The following RSPO2 variants were observed in gnomAD, a reference collection of about 807,000 sequenced individuals.
RSPO2 encodes R-spondin 2.
RSPO2 carries 14 observed loss-of-function variants against 30.9 expected under a neutral mutation model. The observed-to-expected ratio is 0.45, with a 90% confidence interval of 0.30 to 0.71. RSPO2 has a LOEUF of 0.71. Among genes scored for constraint, RSPO2 ranks in the 30% least tolerant of loss-of-function variants. The pLI, the probability that RSPO2 is intolerant of heterozygous loss-of-function variation, is 0.08. For synonymous variants in RSPO2, 107 were observed against 96.4 expected (o/e 1.11, Z -0.64); for missense variants, 264 against 301.9 (o/e 0.87, Z 0.93).
At chr8:108,035,382 A>G (rs562365035) in intron 2 of RSPO2, among the ~76,000 whole-genome samples, 88 of 152,336 alleles carry the variant, frequency 5.8e-4, no homozygotes, top group Non-Finnish European at 8.8e-4. Flanking sequence ...ATTAGTAGTT[A>G]CCACATCGGT....
intron 3 of RSPO2, among the ~76,000 whole-genome samples, chr8:107,964,221 T>G (rs1813723513): frequency 6.6e-6 from 1 of 152,182 alleles, no homozygotes; most frequent in Admixed American, 6.5e-5. Context: ...CCAATATTTT[T>G]TATGCATTCA....
At chr8:108,016,891 G>A (rs1483869495) in intron 2 of RSPO2, among the ~76,000 whole-genome samples, 1 of 151,728 alleles carries the variant, frequency 6.6e-6, no homozygotes, top group Non-Finnish European at 1.5e-5. Flanking sequence ...TCTTCCTAAG[G>A]CCTCCCCAGA....
chr8:107,917,452 T>C (rs1812017957), intron 5 of RSPO2, among the ~76,000 whole-genome samples: 1 of 152,206 alleles, frequency 6.6e-6, no homozygotes, highest in East Asian at 1.9e-4. Flanking sequence ...ACCATTGCAC[T>C]CCAGCCAAAA....
chr8:108,049,464 GCCATGGTGGTTTGCTGCACCTATTAAC>G (rs1812014071), intron 2 of RSPO2, among the ~76,000 whole-genome samples: 1 of 151,538 alleles, frequency 6.6e-6, no homozygotes, highest in South Asian at 2.1e-4. Flanking sequence ...GTCTACATGT[GCCATGGTGGTTTGCTGCACCTATTAAC>G]CCATTATCTA....
chr8:108,004,036 A>T (rs1382943421), intron 2 of RSPO2, among the ~76,000 whole-genome samples: 1 of 152,210 alleles, frequency 6.6e-6, no homozygotes, highest in Non-Finnish European at 1.5e-5. Flanking sequence ...CAAAATAATC[A>T]AAGTTCCTTT....
chr8:108,006,065 A>T (rs1815443033), intron 2 of RSPO2, among the ~76,000 whole-genome samples: 1 of 152,210 alleles, frequency 6.6e-6, no homozygotes, highest in Non-Finnish European at 1.5e-5. Flanking sequence ...TGATCCTAGA[A>T]GTATAATCCT....
intron 5 of RSPO2, among the ~76,000 whole-genome samples, chr8:107,931,513 G>GA (rs1212613727): frequency 1.3e-5 from 2 of 152,056 alleles, no homozygotes; most frequent in African/African-American, 4.8e-5. Context: ...GGCACAGGAA[G>GA]AATTATTGTA....
chr8:108,002,865 AT>A (rs1815296133), intron 2 of RSPO2, among the ~76,000 whole-genome samples: 1 of 152,136 alleles, frequency 6.6e-6, no homozygotes, highest in African/African-American at 2.4e-5. Flanking sequence ...AATTTTTTTA[AT>A]TGCCTTAATA....
intron 2 of RSPO2, among the ~76,000 whole-genome samples, chr8:108,029,054 C>A (rs1457266151): frequency 7.6e-5 from 2 of 26,170 alleles, no homozygotes; most frequent in East Asian, 4.2e-3. Flanking sequence ...TAACATGAGT[C>A]TTTTTTTTTT....
chr8:108,078,908 T>C (rs901191882), intron 2 of RSPO2, among the ~76,000 whole-genome samples: 27 of 152,204 alleles, frequency 1.8e-4, no homozygotes, highest in Admixed American at 5.2e-4. Context: ...AAAAATAGAA[T>C]GAGGGAGATA....
At chr8:107,952,792 A>C (rs59415603) in intron 5 of RSPO2, among the ~76,000 whole-genome samples, 14,560 of 152,228 alleles carry the variant, frequency 0.096, 928 homozygotes, top group East Asian at 0.24. Flanking sequence ...CACACACGAA[A>C]AAACATAGGT....
chr8:108,003,570 C>A (rs2514830), intron 2 of RSPO2, among the ~76,000 whole-genome samples: 42,879 of 151,080 alleles, frequency 0.28, 6,359 homozygotes, highest in African/African-American at 0.38. Flanking sequence ...CTTAGACCGA[C>A]CCAATTTGAA....
intron 5 of RSPO2, among the ~76,000 whole-genome samples, chr8:107,929,091 A>G (rs1011212303): frequency 6.6e-6 from 1 of 152,146 alleles, no homozygotes; most frequent in Admixed American, 6.6e-5. Flanking sequence ...CAGTCACACC[A>G]TGGACTGTGA....
In RSPO2 at chr8:107,900,917, C is replaced by T. The variant is rs980046519; in HGVS notation, c.*158G>A. On this transcript the variant is annotated 3_prime_UTR_variant, in exon 6 of 6. Transcript: ENST00000276659. ...GATTCAAATCAAAGCATAAATAACACAGGGGCCATGCTGGTGGTGCTTCCT... is the reference window on the plus strand; with the variant it reads ...GATTCAAATCAAAGCATAAATAACATAGGGGCCATGCTGGTGGTGCTTCCT... The T allele has an allele frequency of 1.4e-6, 1 of 717,916 alleles. No individual in the cohort carries two copies. The highest frequency in any genetic ancestry group is 1.8e-5 in the African/African-American group (1 of 55,984). The allele number at this position is 717,916 out of a possible 1,614,324, so 44.5% of individuals were successfully genotyped here. A position where few individuals can be genotyped will look rare whatever the true frequency, so the allele number is the denominator to read the frequency against.
At chr8:108,070,517 C>T (rs1205345388) in intron 2 of RSPO2, among the ~76,000 whole-genome samples, 1 of 151,924 alleles carries the variant, frequency 6.6e-6, no homozygotes, top group Admixed American at 6.6e-5. Context: ...TGGTCTCGAT[C>T]TCCTGACCTC....
intron 5 of RSPO2, among the ~76,000 whole-genome samples, chr8:107,953,882 C>T (rs1305498078): frequency 6.6e-6 from 1 of 152,198 alleles, no homozygotes; most frequent in Non-Finnish European, 1.5e-5. Context: ...GATCACTCTA[C>T]ATAACATAGT....
At chr8:108,023,613 C>T (rs954323828) in intron 2 of RSPO2, among the ~76,000 whole-genome samples, 7 of 152,130 alleles carry the variant, frequency 4.6e-5, no homozygotes, top group African/African-American at 9.7e-5. Flanking sequence ...GGGTTACTGA[C>T]GGTGTTGCAG....
Position 107,949,169 on chromosome 8 carries a change from C to T in RSPO2, c.616+8911G>A, listed in dbSNP as rs1175043591. ...AGTCTTTTATCCCTCACCCCCTTCC[C>T]CCCAAGTCCCCAAAGTTCATTATTT... is the stretch of plus-strand genomic sequence containing the variant. On this transcript the variant is annotated intron_variant, in intron 5 of 5. Coordinates refer to ENST00000276659, the MANE Select transcript of RSPO2 (RefSeq NM_178565.5). Among the ~76,000 whole-genome samples, 8 of 152,024 alleles carry T rather than the reference C, an allele frequency of 5.3e-5. 1 individual carries two copies. Among genetic ancestry groups the T allele is most frequent in the Admixed American group, 5.2e-4 (8 of 15,258 alleles).
rs532318421 is a variant in RSPO2 at position 108,047,095 on chromosome 8, A to G, written c.94+35450T>C. Among the ~76,000 whole-genome samples, 5 of 152,316 alleles carry G rather than the reference A, an allele frequency of 3.3e-5. No individual in the cohort carries two copies. The South Asian group carries it at 1.0e-3, about 32-fold the overall frequency. On this transcript the variant is annotated intron_variant, in intron 2 of 5. Coordinates refer to ENST00000276659, the MANE Select transcript of RSPO2 (RefSeq NM_178565.5). ...GTGGTAAGCAGGGCTGAGCTGCCAGAAAGCCATTTCCTTGCCAGTGGTCAC... is the reference window on the plus strand; with the variant it reads ...GTGGTAAGCAGGGCTGAGCTGCCAGGAAGCCATTTCCTTGCCAGTGGTCAC...
Sources: allele counts gnomAD v4.1 joint callset (sites outside exome capture counted in the v4.1 genomes callset), GRCh38; gene constraint gnomAD v4.1.1; transcripts MANE v1.5; gene names NCBI Gene and HGNC (gene_info 2026-07-23, HGNC 2026-07-21).